Variants in CACNA1E observed in about 807,000 individuals in gnomAD.
The protein encoded by CACNA1E is voltage-dependent R-type calcium channel subunit alpha-1E.
A neutral mutation model predicts 259.2 loss-of-function variants in CACNA1E; 40 were observed. The observed-to-expected ratio is 0.15, with a 90% CI of 0.12 to 0.20. CACNA1E has a LOEUF of 0.20. Ranked by LOEUF, CACNA1E falls within the 10% of genes least tolerant of loss-of-function variation. CACNA1E has a pLI of 1.00. For missense variants in CACNA1E, 1,874 were observed against 3,040.1 expected (o/e 0.62, Z 9.02); for synonymous variants, 1,104 against 1,138.5 (o/e 0.97, Z 0.61).
chr1:181,394,320 T>G (rs566161352), intron 1 of CACNA1E, among the ~76,000 whole-genome samples: 1 of 152,254 alleles, frequency 6.6e-6, no homozygotes, highest in Non-Finnish European at 1.5e-5. Flanking sequence ...ATAGTAAGAC[T>G]GATAAATGTG....
chr1:181,505,048 G>T (rs1169464810), intron 1 of CACNA1E, among the ~76,000 whole-genome samples: 3 of 152,054 alleles, frequency 2.0e-5, no homozygotes, highest in African/African-American at 4.8e-5. Flanking sequence ...GTTTCAAAGT[G>T]GTTTCATGGT....
intron 6 of CACNA1E, among the ~76,000 whole-genome samples, chr1:181,651,045 C>G (rs754304512): frequency 6.6e-6 from 1 of 152,182 alleles, no homozygotes; most frequent in Non-Finnish European, 1.5e-5. Context: ...TGGTTGTTTG[C>G]GTGACCTTGG....
At chr1:181,374,195 T>C (rs1479460899) in intron 1 of CACNA1E, among the ~76,000 whole-genome samples, 2 of 152,208 alleles carry the variant, frequency 1.3e-5, no homozygotes, top group African/African-American at 4.8e-5. Flanking sequence ...AAGTCTGGTA[T>C]GTTTGATCTT....
At chr1:181,671,675 C>G (rs1039512626) in intron 7 of CACNA1E, among the ~76,000 whole-genome samples, 10 of 152,212 alleles carry the variant, frequency 6.6e-5, no homozygotes, top group Admixed American at 6.5e-4. Context: ...TTGTGTTTCT[C>G]TAGTGGCCAG....
At chr1:181,491,780 A>G (rs907237894) in intron 1 of CACNA1E, among the ~76,000 whole-genome samples, 5 of 152,262 alleles carry the variant, frequency 3.3e-5, no homozygotes, top group Non-Finnish European at 7.3e-5. Flanking sequence ...CTGAGAAGGG[A>G]CATGCACCCA....
chr1:181,367,071 C>T (rs1283046759), intron 1 of CACNA1E, among the ~76,000 whole-genome samples: 4 of 152,274 alleles, frequency 2.6e-5, no homozygotes, highest in Admixed American at 6.5e-5. Flanking sequence ...GGGCCCAGAG[C>T]GGGCCCTGGA....
chr1:181,481,691 C>A (rs555639041), upstream of CACNA1E, among the ~76,000 whole-genome samples: 8 of 152,302 alleles, frequency 5.3e-5, no homozygotes, highest in African/African-American at 1.9e-4. Context: ...CTAGTGTGGA[C>A]ATGGGAGGGG....
intron 1 of CACNA1E, among the ~76,000 whole-genome samples, chr1:181,493,032 A>G (rs1019913844): frequency 3.3e-5 from 5 of 152,172 alleles, no homozygotes; most frequent in Admixed American, 6.5e-5. Context: ...TGTTGGGACC[A>G]TTAAGTCCCT....
intron 33 of CACNA1E, 78 bp from the exon 34 acceptor site, chr1:181,763,324 GATAA>G (rs1658749430): frequency 8.9e-7 from 1 of 1,122,582 alleles, no homozygotes; most frequent in Non-Finnish European, 1.3e-6. Flanking sequence ...CGGAATGAGG[GATAA>G]ATACACAAAT....
chr1:181,605,544 A>G (rs1654154947), intron 6 of CACNA1E, among the ~76,000 whole-genome samples: 1 of 152,342 alleles, frequency 6.6e-6, no homozygotes, highest in Non-Finnish European at 1.5e-5. Flanking sequence ...TAGAAAGGGA[A>G]AAAAATCTAT....
At chr1:181,433,655 A>G (rs1182135455) in intron 2 of CACNA1E, among the ~76,000 whole-genome samples, 3 of 152,190 alleles carry the variant, frequency 2.0e-5, no homozygotes. Context: ...GTCTTTTTCT[A>G]AGCATTACGT....
At chr1:181,756,901 T>C in intron 29 of CACNA1E, 24 bp from the exon 30 acceptor site, 1 of 1,510,878 alleles carries the variant, frequency 6.6e-7, no homozygotes, top group African/African-American at 1.4e-5. Context: ...CCACCATCTG[T>C]GCCCTCTTGT....
intron 2 of CACNA1E, among the ~76,000 whole-genome samples, chr1:181,436,398 A>G (rs1449041707): frequency 6.6e-6 from 1 of 152,230 alleles, no homozygotes; most frequent in Non-Finnish European, 1.5e-5. Flanking sequence ...TATTTTGAAG[A>G]GATATCCACA....
rs568315428 is a variant in CACNA1E, at chr1:181,801,485, T to C, written c.*2651T>C. On this transcript the variant is annotated 3_prime_UTR_variant, in exon 48 of 48. Transcript: ENST00000367573. ...TACCAGTGAATTTCTTTTATTCACC[T>C]TCCCTTGACCAAGAAATTGGGTTTC... The C allele has an allele frequency of 6.6e-5, 10 of 152,372 alleles. No individual in the cohort carries two copies. Among genetic ancestry groups the C allele is most frequent in the Non-Finnish European group, 1.2e-4 (8 of 68,034 alleles). The allele number at this position is 152,372 out of a possible 1,614,324, so 9.4% of individuals were successfully genotyped here.
At chr1:181,426,182 C>G (rs1653740771) in intron 2 of CACNA1E, among the ~76,000 whole-genome samples, 1 of 151,894 alleles carries the variant, frequency 6.6e-6, no homozygotes, top group Non-Finnish European at 1.5e-5. Context: ...CATCCCCCTC[C>G]TGTCACTCCA....
At chr1:181,774,243 A>G (rs867991954) in intron 37 of CACNA1E, among the ~76,000 whole-genome samples, 3 of 152,254 alleles carry the variant, frequency 2.0e-5, no homozygotes, top group Non-Finnish European at 2.9e-5. Context: ...ATTGACATTA[A>G]TAATAGGTAC....
chr1:181,471,394 T>C (rs1662497266), intron 2 of CACNA1E, among the ~76,000 whole-genome samples: 1 of 152,230 alleles, frequency 6.6e-6, no homozygotes, highest in African/African-American at 2.4e-5. Context: ...CTGATCTTTA[T>C]TCGCCTTATT....
chr1:181,544,784 T>TA (rs1294442612), intron 3 of CACNA1E, among the ~76,000 whole-genome samples: 1 of 152,200 alleles, frequency 6.6e-6, no homozygotes, highest in Admixed American at 6.5e-5. Flanking sequence ...AGAGAGAGTG[T>TA]AAAACCTGTT....
intron 6 of CACNA1E, among the ~76,000 whole-genome samples, chr1:181,629,375 T>C (rs1462816179): frequency 6.6e-6 from 1 of 152,212 alleles, no homozygotes; most frequent in Non-Finnish European, 1.5e-5. Context: ...CTCCAACTTT[T>C]CTATCAAATA....
Sources: gnomAD v4.1 joint callset for allele counts (sites outside exome capture counted in the v4.1 genomes callset) on GRCh38, gnomAD v4.1.1 for gene constraint, MANE v1.5 for transcripts, NCBI Gene and HGNC (gene_info 2026-07-23, HGNC 2026-07-21) for gene names.